The following AHSA1 variants were observed in gnomAD, a reference collection of about 807,000 sequenced individuals.
AHSA1 encodes activator of HSP90 ATPase activity 1.
AHSA1 carries 14 observed loss-of-function variants against 46.1 expected under a neutral mutation model. That is an observed-to-expected ratio of 0.30 (90% CI 0.20 to 0.47). The LOEUF is 0.47. Among genes scored for constraint, AHSA1 ranks in the 20% least tolerant of loss-of-function variants. AHSA1 has a pLI of 0.99. For missense variants in AHSA1, 333 were observed against 415.9 expected (o/e 0.80, Z 1.73); for synonymous variants, 147 against 145.8 (o/e 1.01, Z -0.06).
At chr14:77,467,397 C>T (rs1403919330) in intron 6 of AHSA1, among the ~76,000 whole-genome samples, 1 of 149,386 alleles carries the variant, frequency 6.7e-6, no homozygotes. Flanking sequence ...AGACCTATCT[C>T]AAAAAAAATA....
chr14:77,462,255 T>C lies in AHSA1; in HGVS notation c.354+13T>C, dbSNP rs1465204065. 26 of 1,607,378 alleles carry C rather than the reference T, an allele frequency of 1.6e-5. No individual in the cohort carries two copies. The highest frequency in any genetic ancestry group is 2.0e-5 in the Non-Finnish European group (24 of 1,173,920). On this transcript the variant is annotated intron_variant, in intron 3 of 8. Transcript: ENST00000216479. ...GGATGAAGTGGAGGTTTGTGCTTCA[T>C]AACTCCTAATCCGAGTCCTCTATAT...
Position 77,469,465 on chromosome 14 carries a change from A to T in AHSA1, c.*216A>T, listed in dbSNP as rs555479686. On this transcript the variant is annotated 3_prime_UTR_variant, in exon 9 of 9. Transcript: ENST00000216479. Reference sequence around the variant, plus strand: ...TACATATGCTAAATAAACATAATTTAAAAAACATGCGTGTCTGGAACCTAT... The same window carrying T: ...TACATATGCTAAATAAACATAATTTTAAAAACATGCGTGTCTGGAACCTAT... 15 of 465,282 alleles carry T rather than the reference A, an allele frequency of 3.2e-5. No individual in the cohort carries two copies. The highest frequency in any genetic ancestry group is 1.2e-4 in the South Asian group (4 of 32,432). The allele number at this position is 465,282 out of a possible 1,614,324, so 28.8% of individuals were successfully genotyped here. A position where few individuals can be genotyped will look rare whatever the true frequency, so the allele number is the denominator to read the frequency against.
At chr14:77,459,934 C>T (rs552097969) in intron 2 of AHSA1, 128 bp downstream of exon 2, 1 of 1,003,754 alleles carries the variant, frequency 1.0e-6, no homozygotes. Context: ...CTTTGGAGTC[C>T]TATGTAAAGC....
At position 77,465,623 on chromosome 14, in the gene AHSA1, C is replaced by A; in HGVS notation, c.646C>A (p.Leu216Met). Residue 216 changes from leucine (L) to methionine (M), a missense_variant, in exon 6 of 9, where the codon CTG becomes ATG. Coordinates refer to ENST00000216479, the MANE Select transcript of AHSA1 (RefSeq NM_012111.3). The stretch of plus-strand genomic sequence containing the variant: ...TAAGATCACTCTTAAGGAAACCTTC[C>A]TGACGTCACCAGAGGAGCTCTATAG... ...TCKITLKETF[L>M]TSPEELYRVF... is the part of the protein sequence containing the mutation. 1 of 1,613,954 alleles carries A rather than the reference C, an allele frequency of 6.2e-7. No individual in the cohort carries two copies. The highest frequency in any genetic ancestry group is 8.5e-7 in the Non-Finnish European group (1 of 1,179,840).
rs772182123 is a variant in AHSA1 at position 77,469,265 on chromosome 14, A to T, written c.*16A>T. On this transcript the variant is annotated 3_prime_UTR_variant, in exon 9 of 9. Coordinates refer to ENST00000216479, the MANE Select transcript of AHSA1 (RefSeq NM_012111.3). ...CTTATTTTAGGGCCAGCGGCAGGGGACTCCAGCCTGCTGGACACTTCAGTC... is the reference window on the plus strand; with the variant it reads ...CTTATTTTAGGGCCAGCGGCAGGGGTCTCCAGCCTGCTGGACACTTCAGTC... 3 of 1,611,844 alleles carry T rather than the reference A, an allele frequency of 1.9e-6. No homozygotes were observed.
Position 77,468,049 on chromosome 14 carries a change from C to CTTTTTTTTTTTTTTTTTTT in AHSA1, c.691-33_691-32insTTTTTTTTTTTTTTTTTTT. 10 of 723,822 alleles carry CTTTTTTTTTTTTTTTTTTT rather than the reference C, an allele frequency of 1.4e-5. 4 individuals are homozygous for CTTTTTTTTTTTTTTTTTTT. The Admixed American group carries it at 1.5e-4, about 11-fold the overall frequency. 44.8% of individuals were successfully genotyped at this position (723,822 alleles called of 1,614,324 possible). On this transcript the variant is annotated intron_variant, in intron 6 of 8. Coordinates refer to ENST00000216479, the MANE Select transcript of AHSA1 (RefSeq NM_012111.3). ...CCACTGAAAGCCATGTATCTTCTGC[C>CTTTTTTTTTTTTTTTTTTT]TCTTTTTTTTTTTTTTTTTTTTTTT...
chr14:77,463,151 A>G (rs896360172), intron 4 of AHSA1: 3 of 212,618 alleles, frequency 1.4e-5, no homozygotes, highest in Middle Eastern at 1.9e-3. Context: ...GCGGTGGCCC[A>G]TGCCTGTAAT....
chr14:77,468,027 C>T lies in AHSA1; in HGVS notation c.691-56C>T, dbSNP rs1049735907. 6 of 1,274,394 alleles carry T rather than the reference C, an allele frequency of 4.7e-6. No homozygotes were observed. The African/African-American group carries it at 7.7e-5, about 16-fold the overall frequency. The allele number at this position is 1,274,394 out of a possible 1,614,324, so 78.9% of individuals were successfully genotyped here. A position where few individuals can be genotyped will look rare whatever the true frequency, so the allele number is the denominator to read the frequency against. The stretch of plus-strand genomic sequence containing the variant: ...AGCTGGCATTTGTCCTTGGGTCCCA[C>T]TGAAAGCCATGTATCTTCTGCCTCT... On this transcript the variant is annotated intron_variant, in intron 6 of 8. Transcript: ENST00000216479.
rs190668032 is a variant in AHSA1, at chr14:77,462,254, A to G, written c.354+12A>G. 2.5e-6 allele frequency: 4 copies of G among 1,607,522 alleles called. No individual in the cohort carries two copies. The highest frequency in any genetic ancestry group is 1.1e-5 in the South Asian group (1 of 90,954). On this transcript the variant is annotated intron_variant, in intron 3 of 8. Coordinates refer to ENST00000216479, the MANE Select transcript of AHSA1 (RefSeq NM_012111.3). ...TGGATGAAGTGGAGGTTTGTGCTTC[A>G]TAACTCCTAATCCGAGTCCTCTATA...
chr14:77,459,572 C>T (rs2079012193), intron 1 of AHSA1, 44 bp from the exon 2 acceptor site: 3 of 1,599,422 alleles, frequency 1.9e-6, no homozygotes, highest in Admixed American at 1.7e-5. Flanking sequence ...AGCAGCGTAT[C>T]CTCCGTTTGA....
chr14:77,458,019 G>C (rs1006620886), upstream of AHSA1: 9 of 558,820 alleles, frequency 1.6e-5, no homozygotes, highest in African/African-American at 1.8e-4. Flanking sequence ...CGGTGGGAGT[G>C]GGGAGGAGCC....
At position 77,469,234 on chromosome 14, in the gene AHSA1, C is replaced by T. The variant is rs111662785; in HGVS notation, c.1002C>T (p.Gly334=). ...GCATTAAACAGACCTTTGGCTATGG[C>T]GCACGCTTATTTTAGGGCCAGCGGC... ...FEGIKQTFGY[G]ARLF The change falls in exon 9 of 9, where the codon GGC becomes GGT. Residue 334 remains glycine (G), a synonymous_variant. Coordinates refer to ENST00000216479, the MANE Select transcript of AHSA1 (RefSeq NM_012111.3). 73 of 1,613,850 alleles carry T rather than the reference C, an allele frequency of 4.5e-5. No homozygotes were observed. Among genetic ancestry groups the T allele is most frequent in the African/African-American group, 3.7e-4 (28 of 74,986 alleles).
At chr14:77,457,908 C>A, upstream of AHSA1, 1 of 500,410 alleles carries the variant, frequency 2.0e-6, no homozygotes, top group Non-Finnish European at 3.5e-6. Context: ...GTTGTATGAG[C>A]AGTTGGGTTT....
chr14:77,468,049 CT>C (rs2079055143), intron 6 of AHSA1, 33 bp from the exon 7 acceptor site: 17 of 723,672 alleles, frequency 2.3e-5, no homozygotes, highest in South Asian at 1.3e-4. Context: ...TATCTTCTGC[CT>C]CTTTTTTTTT....
At position 77,464,597 on chromosome 14, in the gene AHSA1, G is replaced by A; in HGVS notation, c.473-1G>A. 6.2e-7 allele frequency: 1 copy of A among 1,611,870 alleles called. No individual in the cohort carries two copies. Among genetic ancestry groups the A allele is most frequent in the Non-Finnish European group, 8.5e-7 (1 of 1,179,226 alleles). On this transcript the variant is annotated splice_acceptor_variant, in intron 4 of 8. Transcript: ENST00000216479. LOFTEE classifies it high-confidence loss of function. Reference sequence around the variant, plus strand: ...CATGAGCTGGAATTTTATCTTTTCAGAGTTCACCCAGGGCATGATCTTACC... The same window carrying A: ...CATGAGCTGGAATTTTATCTTTTCAAAGTTCACCCAGGGCATGATCTTACC...
In AHSA1 at chr14:77,459,763, A is replaced by G. The variant is rs1176314495; in HGVS notation, c.228A>G (p.Lys76=). ...GEASINNRKG[K]LIFFYEWSVK... The stretch of plus-strand genomic sequence containing the variant: ...CATCCATTAACAATCGCAAAGGGAA[A>G]CTTATCTTCTTTTATGAATGGAGCG... Residue 76 remains lysine, a synonymous_variant, in exon 2 of 9, where the codon AAA becomes AAG. Coordinates refer to ENST00000216479, the MANE Select transcript of AHSA1 (RefSeq NM_012111.3). The G allele has an allele frequency of 6.2e-7, 1 of 1,614,200 alleles. No homozygotes were observed. Among genetic ancestry groups the G allele is most frequent in the East Asian group, 2.2e-5 (1 of 44,890 alleles).
intron 2 of AHSA1, chr14:77,460,311 A>G (rs1176707970): frequency 1.7e-5 from 3 of 179,298 alleles, no homozygotes; most frequent in Non-Finnish European, 3.6e-5. Flanking sequence ...CATGCGTATG[A>G]CCGTTTTGGA....
chr14:77,464,091 CCCAGTGGCCAGGT>C (rs2079037715), intron 4 of AHSA1, among the ~76,000 whole-genome samples: 2 of 152,180 alleles, frequency 1.3e-5, no homozygotes, highest in Admixed American at 1.3e-4. Context: ...TAAAAATAAT[CCCAGTGGCCAGGT>C]GCAGTGGCTC....
rs116394703 is a variant in AHSA1, at chr14:77,464,549, C to A, written c.473-49C>A. 2.7e-3 allele frequency: 4,087 copies of A among 1,495,954 alleles called. 87 individuals carry two copies. The African/African-American group carries it at 0.051, about 19-fold the overall frequency. The allele number at this position is 1,495,954 out of a possible 1,614,324, so 92.7% of individuals were successfully genotyped here. A position where few individuals can be genotyped will look rare whatever the true frequency, so the allele number is the denominator to read the frequency against. ...GTCAAGCTGTAATGAAACTCCAGAT[C>A]TCAGCTACTAAGAAGTAACTTCCAT... On this transcript the variant is annotated intron_variant, in intron 4 of 8. Transcript: ENST00000216479.
Sources: allele counts gnomAD v4.1 joint callset (sites outside exome capture counted in the v4.1 genomes callset), GRCh38; gene constraint gnomAD v4.1.1; transcripts MANE v1.5; gene names NCBI Gene and HGNC (gene_info 2026-07-23, HGNC 2026-07-21).